HERC6: variants seen among roughly 807,000 people sequenced by gnomAD.
HERC6 encodes probable E3 ubiquitin-protein ligase HERC6.
A neutral mutation model predicts 114.5 loss-of-function variants in HERC6; 101 were observed. The ratio of observed to expected loss-of-function variants is 0.88; its 90% CI spans 0.75 to 1.04. The LOEUF (loss-of-function observed/expected upper bound fraction) is 1.04. Among genes scored for constraint, HERC6 ranks in the 50% least tolerant of loss-of-function variants. The probability of loss-of-function intolerance (pLI) is 0.00; values close to 1 mark genes in which losing one functional copy is unlikely to be tolerated. For missense variants in HERC6, 1,133 were observed against 1,230.9 expected (o/e 0.92, Z 1.19); for synonymous variants, 408 against 436.2 (o/e 0.94, Z 0.81).
At chr4:88,439,666 AAT>A (rs1739131921) in intron 20 of HERC6, among the ~76,000 whole-genome samples, 1 of 152,180 alleles carries the variant, frequency 6.6e-6, no homozygotes, top group Admixed American at 6.5e-5. Flanking sequence ...AAGTGAGCCA[AAT>A]AGTTTTAAAC....
chr4:88,430,506 A>C (rs1396750239), intron 16 of HERC6, among the ~76,000 whole-genome samples: 2 of 151,804 alleles, frequency 1.3e-5, no homozygotes, highest in Non-Finnish European at 2.9e-5. Context: ...GGAGGTGGAG[A>C]TTGCAGTAAG....
intron 12 of HERC6, among the ~76,000 whole-genome samples, chr4:88,415,289 A>C (rs567430985): frequency 3.9e-5 from 6 of 152,346 alleles, no homozygotes; most frequent in Admixed American, 3.9e-4. Context: ...CATTCTATTT[A>C]ATGGCTGAAG....
At chr4:88,435,284 C>T (rs1738623583) in intron 17 of HERC6, among the ~76,000 whole-genome samples, 1 of 151,952 alleles carries the variant, frequency 6.6e-6, no homozygotes, top group Middle Eastern at 3.2e-3. Flanking sequence ...CTAAGCACAC[C>T]CAAGTTGTGG....
chr4:88,434,292 G>A (rs1159057593), intron 17 of HERC6, among the ~76,000 whole-genome samples: 1 of 152,200 alleles, frequency 6.6e-6, no homozygotes, highest in Non-Finnish European at 1.5e-5. Flanking sequence ...CTAGAAAATG[G>A]ACGTCATAAT....
intron 7 of HERC6, 152 bp from the exon 8 acceptor site, chr4:88,397,990 A>G: frequency 1.8e-6 from 1 of 549,188 alleles, no homozygotes; most frequent in Non-Finnish European, 3.2e-6. Flanking sequence ...GAGGGAAAAA[A>G]AGAAAAAAAT....
chr4:88,437,738 T>A lies in HERC6; in HGVS notation c.2512T>A (p.Leu838Ile), dbSNP rs1195177341. Residue 838 changes from leucine (L) to isoleucine (I), a missense_variant, in exon 20 of 23, where the codon TTA becomes ATA. Leu to Ile is a conservative substitution (Grantham distance 5). Around this residue, in one of 3 missense-constraint regions of HERC6, gnomAD observed 388 missense variants for 445.9 expected, o/e 0.87. Coordinates refer to ENST00000264346, the MANE Select transcript of HERC6 (RefSeq NM_017912.4). ...SIHWDQNDVD[L>I]IPNGISIPVD... The stretch of plus-strand genomic sequence containing the variant: ...ACACTGGGACCAAAATGATGTTGAC[T>A]TAATTCCAAATGGGATCTCCATACC... 2 of 1,607,270 alleles carry A rather than the reference T, an allele frequency of 1.2e-6. No homozygotes were observed. The highest frequency in any genetic ancestry group is 8.5e-7 in the Non-Finnish European group (1 of 1,176,462).
intron 4 of HERC6, 26 bp from the exon 5 acceptor site, chr4:88,393,462 C>CT: frequency 6.9e-7 from 1 of 1,445,962 alleles, no homozygotes; most frequent in African/African-American, 1.4e-5. Flanking sequence ...TTCTTATACT[C>CT]TAGAGATTCT....
At chr4:88,434,574 G>C (rs867253700) in intron 17 of HERC6, among the ~76,000 whole-genome samples, 10 of 151,942 alleles carry the variant, frequency 6.6e-5, no homozygotes, top group Non-Finnish European at 1.3e-4. Context: ...AAGAGACACA[G>C]GTTGGGGATG....
Position 88,435,826 on chromosome 4 carries a change from T to C in HERC6, c.2352T>C (p.Tyr784=), listed in dbSNP as rs1472782875. Residue 784 remains tyrosine, a synonymous_variant, in exon 18 of 23, where the codon TAT becomes TAC. Coordinates refer to ENST00000264346, the MANE Select transcript of HERC6 (RefSeq NM_017912.4). ...VANLPFPLAL[Y]KKLLDQKPSL... ...ACCTTCCTTTCCCACTGGCTCTGTA[T>C]AAAAAACTTCTGGACCAAAAGCCAT... is the stretch of plus-strand genomic sequence containing the variant. The C allele has an allele frequency of 1.2e-6, 2 of 1,612,564 alleles. No individual in the cohort carries two copies. The highest frequency in any genetic ancestry group is 1.7e-5 in the Admixed American group (1 of 59,816).
At chr4:88,417,330 A>G in intron 12 of HERC6, 95 bp from the exon 13 acceptor site, 2 of 1,111,814 alleles carry the variant, frequency 1.8e-6, no homozygotes, top group Non-Finnish European at 1.3e-6. Flanking sequence ...AATGTAAAAT[A>G]TTATCTATTT....
intron 8 of HERC6, among the ~76,000 whole-genome samples, chr4:88,402,481 A>T (rs1344665442): frequency 1.3e-5 from 2 of 152,176 alleles, no homozygotes; most frequent in Non-Finnish European, 2.9e-5. Flanking sequence ...CCAAAATATC[A>T]GTAGTGTCAG....
At chr4:88,392,384 T>G (rs1414664282) in intron 4 of HERC6, among the ~76,000 whole-genome samples, 1 of 150,898 alleles carries the variant, frequency 6.6e-6, no homozygotes, top group African/African-American at 2.4e-5. Context: ...GCCTTGGGGT[T>G]TCACCATGTT....
At chr4:88,430,176 T>C (rs1036733436) in intron 16 of HERC6, among the ~76,000 whole-genome samples, 15 of 152,002 alleles carry the variant, frequency 9.9e-5, no homozygotes, top group South Asian at 8.3e-4. Context: ...GAGGTGCTTA[T>C]CATTAAAAGA....
intron 11 of HERC6, among the ~76,000 whole-genome samples, chr4:88,410,698 G>A (rs1459394967): frequency 6.6e-6 from 1 of 152,098 alleles, no homozygotes. Flanking sequence ...AACAAGTTTT[G>A]TACGCTTGCA....
chr4:88,440,075 T>G lies in HERC6; in HGVS notation c.2739+18T>G, dbSNP rs766565763. On this transcript the variant is annotated intron_variant, in intron 21 of 22. Transcript: ENST00000264346. ...TTGAACAGGTAGGTGATACCTAAAG[T>G]GCCCCAATTTTTCCGAACAACTTCT... 7 of 1,607,224 alleles carry G rather than the reference T, an allele frequency of 4.4e-6. No homozygotes were observed. Among genetic ancestry groups the G allele is most frequent in the Non-Finnish European group, 5.9e-6 (7 of 1,177,232 alleles).
In HERC6 at chr4:88,394,474, C is replaced by CAAA. The variant is rs781425955; in HGVS notation, c.759+911_759+913dup. On this transcript the variant is annotated intron_variant, in intron 5 of 22. Transcript: ENST00000264346. Reference sequence around the variant, plus strand: ...GTTGACACAGCAAGACTCTCCTGTCCAAAAAAAAAAAAAAAAAAAAATTAG... The same window carrying CAAA: ...GTTGACACAGCAAGACTCTCCTGTCCAAAAAAAAAAAAAAAAAAAAAAAATTAG... Among the ~76,000 whole-genome samples the CAAA allele has an allele frequency of 5.3e-3, 225 of 42,844 alleles. 13 individuals are homozygous for CAAA. The East Asian group carries it at 0.075, about 14-fold the overall frequency. 28.1% of individuals were successfully genotyped at this position (42,844 alleles called of 152,430 possible).
At chr4:88,434,072 T>C (rs1738504809) in intron 17 of HERC6, among the ~76,000 whole-genome samples, 1 of 152,254 alleles carries the variant, frequency 6.6e-6, no homozygotes, top group African/African-American at 2.4e-5. Context: ...CCTGAAACTC[T>C]ATAGATGTAG....
intron 1 of HERC6, among the ~76,000 whole-genome samples, chr4:88,379,592 T>A (rs1578360494): frequency 1.4e-5 from 2 of 141,990 alleles, no homozygotes; most frequent in African/African-American, 5.3e-5. Flanking sequence ...GACACCTGTA[T>A]CTCCCTTAGA....
Position 88,442,316 on chromosome 4 carries a change from T to C in HERC6, c.2925T>C (p.Ser975=). 1 of 1,613,740 alleles carries C rather than the reference T, an allele frequency of 6.2e-7. No homozygotes were observed. The highest frequency in any genetic ancestry group is 8.5e-7 in the Non-Finnish European group (1 of 1,179,814). Residue 975 remains serine (S), a synonymous_variant, in exon 23 of 23, where the codon AGT becomes AGC. Coordinates refer to ENST00000264346, the MANE Select transcript of HERC6 (RefSeq NM_017912.4). ...TATTTCGCTGTCCTGAAACTTTCAG[T>C]GAAAGAGATCACCCAACATCAATAA... is the stretch of plus-strand genomic sequence containing the variant. The part of the protein sequence containing the change: ...EIVFRCPETF[S]ERDHPTSITC...
Sources: gnomAD v4.1 joint callset for allele counts (sites outside exome capture counted in the v4.1 genomes callset) on GRCh38, gnomAD v4.1.1 for gene constraint, gnomAD v4.1.1 regional missense constraint, MANE v1.5 for transcripts, NCBI Gene and HGNC (gene_info 2026-07-23, HGNC 2026-07-21) for gene names.